Variants in RASSF6 observed in about 807,000 individuals in gnomAD.
RASSF6 encodes ras association domain-containing protein 6.
Under a neutral mutation model 44.0 loss-of-function variants are expected in RASSF6, and 52 were observed. The observed-to-expected ratio is 1.18, with a 90% CI of 0.95 to 1.49. The LOEUF is 1.49. Ranked by LOEUF, RASSF6 falls within the 40% of genes most tolerant of loss-of-function variation. The probability of loss-of-function intolerance (pLI) is 0.00; values close to 1 mark genes in which losing one functional copy is unlikely to be tolerated. For missense variants in RASSF6, 464 were observed against 393.3 expected (o/e 1.18, Z -1.52); for synonymous variants, 162 against 124.6 (o/e 1.30, Z -2.00).
At chr4:73,619,108 T>C (rs184669958) in intron 1 of RASSF6, among the ~76,000 whole-genome samples, 5 of 152,274 alleles carry the variant, frequency 3.3e-5, no homozygotes, top group Admixed American at 2.6e-4. Flanking sequence ...GATTATATGG[T>C]CTAAATTGAT....
At chr4:73,596,290 T>C (rs765955736) in intron 3 of RASSF6, among the ~76,000 whole-genome samples, 1 of 152,144 alleles carries the variant, frequency 6.6e-6, no homozygotes, top group Non-Finnish European at 1.5e-5. Context: ...TTCAGCAAAG[T>C]CTCAGGATAC....
intron 4 of RASSF6, among the ~76,000 whole-genome samples, chr4:73,593,232 T>C (rs1724697510): frequency 6.6e-6 from 1 of 152,102 alleles, no homozygotes; most frequent in East Asian, 1.9e-4. Flanking sequence ...GCCAGGCTGG[T>C]CTCGAACTCC....
chr4:73,597,776 G>A (rs750437682), intron 3 of RASSF6, among the ~76,000 whole-genome samples: 2 of 152,164 alleles, frequency 1.3e-5, no homozygotes, highest in African/African-American at 2.4e-5. Flanking sequence ...GTACACCATG[G>A]AATACTATGC....
chr4:73,610,179 T>A (rs1221094901), intron 2 of RASSF6, among the ~76,000 whole-genome samples: 1 of 152,222 alleles, frequency 6.6e-6, no homozygotes, highest in Non-Finnish European at 1.5e-5. Flanking sequence ...TTTAGAATTA[T>A]CCTTGGTTAT....
At chr4:73,594,985 A>C (rs896318093) in intron 3 of RASSF6, among the ~76,000 whole-genome samples, 2 of 152,194 alleles carry the variant, frequency 1.3e-5, no homozygotes, top group African/African-American at 4.8e-5. Flanking sequence ...TAATTAATTG[A>C]TTAATTAACC....
rs60058941 is a variant in RASSF6, at chr4:73,607,160, G to A, written c.65+4571C>T. Among the ~76,000 whole-genome samples the A allele has an allele frequency of 2.2e-4, 34 of 152,312 alleles. No homozygotes were observed. The East Asian group carries it at 6.6e-3, about 29-fold the overall frequency. ...CTCCACACTAAATCCAGAGTATGTA[G>A]AATGTATCTAATCATATCATCTGCT... On this transcript the variant is annotated intron_variant, in intron 2 of 10. Coordinates refer to ENST00000307439, the MANE Select transcript of RASSF6 (RefSeq NM_177532.5).
At chr4:73,606,968 C>T (rs565958212) in intron 2 of RASSF6, among the ~76,000 whole-genome samples, 4 of 152,274 alleles carry the variant, frequency 2.6e-5, no homozygotes, top group South Asian at 2.1e-4. Flanking sequence ...AACCTGAGCA[C>T]GAGCCTGAAA....
chr4:73,609,903 G>T (rs1198772855), intron 2 of RASSF6, among the ~76,000 whole-genome samples: 1 of 152,146 alleles, frequency 6.6e-6, no homozygotes, highest in Non-Finnish European at 1.5e-5. Flanking sequence ...CCTATGGTGA[G>T]AATTTGTTCT....
chr4:73,609,628 G>A (rs1403363977), intron 2 of RASSF6, among the ~76,000 whole-genome samples: 1 of 152,084 alleles, frequency 6.6e-6, no homozygotes, highest in Non-Finnish European at 1.5e-5. Flanking sequence ...ATGTAGTTCT[G>A]TGCAGGAAAA....
intron 8 of RASSF6, among the ~76,000 whole-genome samples, chr4:73,580,003 C>T (rs1723499791): frequency 1.3e-5 from 2 of 148,600 alleles, no homozygotes; most frequent in African/African-American, 2.5e-5. Flanking sequence ...GGTGTATCTC[C>T]TAATGCTATC....
chr4:73,585,060 G>T, intron 6 of RASSF6, 120 bp downstream of exon 6: 1 of 632,890 alleles, frequency 1.6e-6, no homozygotes, highest in Non-Finnish European at 2.6e-6. Context: ...GTGCCCCCAA[G>T]ATGTTAGACA....
At chr4:73,612,577 T>G (rs1726098380) in intron 1 of RASSF6, among the ~76,000 whole-genome samples, 5 of 151,438 alleles carry the variant, frequency 3.3e-5, no homozygotes, top group Admixed American at 2.6e-4. Flanking sequence ...GTAAGATGAA[T>G]AAAAATTAGG....
In RASSF6 at chr4:73,576,510, A is replaced by G. The variant is rs1249866795; in HGVS notation, c.841-3T>C. 2 of 1,560,680 alleles carry G rather than the reference A, an allele frequency of 1.3e-6. No homozygotes were observed. Among genetic ancestry groups the G allele is most frequent in the South Asian group, 2.4e-5 (2 of 84,158 alleles). ...TGAAAGTTAATGTACTGAGCCACCT[A>G]AGAAAGAAGAAGAAGAAAAAAAAAA... On this transcript the variant is annotated splice_polypyrimidine_tract_variant and splice_region_variant and intron_variant, in intron 9 of 10. Coordinates refer to ENST00000307439, the MANE Select transcript of RASSF6 (RefSeq NM_177532.5).
chr4:73,612,241 A>T (rs906304545), intron 1 of RASSF6, among the ~76,000 whole-genome samples: 4 of 152,178 alleles, frequency 2.6e-5, no homozygotes, highest in African/African-American at 9.7e-5. Context: ...TTGATTAGGT[A>T]TGATGTAATA....
At chr4:73,595,863 A>G (rs1724906314) in intron 3 of RASSF6, among the ~76,000 whole-genome samples, 1 of 152,198 alleles carries the variant, frequency 6.6e-6, no homozygotes, top group South Asian at 2.1e-4. Flanking sequence ...GCTCAATAGG[A>G]AAGGCCAGAG....
chr4:73,608,834 C>A (rs1158052328), intron 2 of RASSF6, among the ~76,000 whole-genome samples: 1 of 152,178 alleles, frequency 6.6e-6, no homozygotes, highest in Non-Finnish European at 1.5e-5. Flanking sequence ...GTATATGAAA[C>A]CTGGGCAAAC....
At chr4:73,576,856 G>A in intron 8 of RASSF6, 125 bp from the exon 9 acceptor site, 1 of 640,516 alleles carries the variant, frequency 1.6e-6, no homozygotes, top group Non-Finnish European at 2.7e-6. Context: ...GCAACAGGAG[G>A]CAATTACTCA....
intron 2 of RASSF6, among the ~76,000 whole-genome samples, chr4:73,603,083 G>A (rs560882103): frequency 1.2e-4 from 18 of 151,900 alleles, no homozygotes; most frequent in African/African-American, 3.6e-4. Flanking sequence ...GCAAGTTTCC[G>A]TCTCAAAAGA....
chr4:73,599,621 C>G (rs965506235), intron 2 of RASSF6, among the ~76,000 whole-genome samples: 10 of 152,166 alleles, frequency 6.6e-5, no homozygotes, highest in Non-Finnish European at 1.2e-4. Flanking sequence ...ATCTTTCTCT[C>G]AGTGTCTCTA....
Sources: gnomAD v4.1 joint callset for allele counts (sites outside exome capture counted in the v4.1 genomes callset) on GRCh38, gnomAD v4.1.1 for gene constraint, MANE v1.5 for transcripts, NCBI Gene and HGNC (gene_info 2026-07-23, HGNC 2026-07-21) for gene names.